Variants in PHKB observed in about 807,000 individuals in gnomAD.
PHKB encodes the protein phosphorylase kinase regulatory subunit beta.
In PHKB, 122 loss-of-function variants were observed where a neutral mutation model predicts 152.1. The observed-to-expected ratio is 0.80, with a 90% confidence interval of 0.69 to 0.93. The LOEUF is 0.93. Ranked by LOEUF, PHKB falls within the 40% of genes least tolerant of loss-of-function variation. The pLI is 0.00. For synonymous variants in PHKB, 436 were observed against 464.9 expected (o/e 0.94, Z 0.80); for missense variants, 1,304 against 1,328.4 (o/e 0.98, Z 0.29).
At chr16:47,580,558 T>TA (rs57329634) in intron 8 of PHKB, among the ~76,000 whole-genome samples, 200 bp downstream of exon 8, 1,350 of 131,836 alleles carry the variant, frequency 0.01, 10 homozygotes, top group East Asian at 0.017. Context: ...TTAATTTCTT[T>TA]AAAAAAAAAA....
At chr16:47,539,851 T>A (rs550671263) in intron 6 of PHKB, among the ~76,000 whole-genome samples, 5 of 152,298 alleles carry the variant, frequency 3.3e-5, no homozygotes, top group Non-Finnish European at 7.3e-5. Flanking sequence ...TCAGGACCAC[T>A]GTGATGATTG....
chr16:47,579,768 G>A (rs1264415117), intron 7 of PHKB, among the ~76,000 whole-genome samples: 1 of 152,034 alleles, frequency 6.6e-6, no homozygotes, highest in East Asian at 1.9e-4. Context: ...TAAGAGATAA[G>A]GTGATCAGTT....
intron 1 of PHKB, among the ~76,000 whole-genome samples, chr16:47,471,601 A>G (rs1320190147): frequency 6.6e-6 from 1 of 152,204 alleles, no homozygotes; most frequent in African/African-American, 2.4e-5. Flanking sequence ...TATTGAGTAT[A>G]TCATCATTCT....
intron 4 of PHKB, among the ~76,000 whole-genome samples, chr16:47,510,098 T>G (rs1414150550): frequency 6.6e-6 from 1 of 152,224 alleles, no homozygotes; most frequent in Non-Finnish European, 1.5e-5. Flanking sequence ...TGGTAGAAGG[T>G]GCAGAAGGTC....
At chr16:47,587,897 T>C (rs961978716) in intron 9 of PHKB, 134 bp downstream of exon 9, 6 of 744,270 alleles carry the variant, frequency 8.1e-6, no homozygotes, top group African/African-American at 5.2e-5. Flanking sequence ...ATGATAGATA[T>C]TGCCCCTTAC....
intron 23 of PHKB, among the ~76,000 whole-genome samples, chr16:47,663,031 C>T (rs1375456000): frequency 6.6e-6 from 1 of 152,092 alleles, no homozygotes; most frequent in East Asian, 1.9e-4. Context: ...CTTTGAAAAT[C>T]ATATGCATCT....
At chr16:47,554,335 T>C (rs1335789589) in intron 7 of PHKB, among the ~76,000 whole-genome samples, 1 of 152,174 alleles carries the variant, frequency 6.6e-6, no homozygotes, top group Non-Finnish European at 1.5e-5. Context: ...AACTACCTAC[T>C]CAAGCCTCAG....
intron 7 of PHKB, among the ~76,000 whole-genome samples, chr16:47,556,813 T>A (rs891366436): frequency 5.3e-5 from 8 of 152,220 alleles, no homozygotes; most frequent in Non-Finnish European, 1.2e-4. Context: ...TCCCTCTTTT[T>A]CTATTGATTG....
intron 4 of PHKB, among the ~76,000 whole-genome samples, chr16:47,506,062 G>GA (rs955575180): frequency 6.7e-6 from 1 of 148,462 alleles, no homozygotes; most frequent in Admixed American, 6.7e-5. Flanking sequence ...AGAAAAAAGA[G>GA]AAAATAATAA....
chr16:47,607,463 TTAACA>T (rs1438115164), intron 13 of PHKB, among the ~76,000 whole-genome samples: 2 of 152,214 alleles, frequency 1.3e-5, no homozygotes, highest in African/African-American at 2.4e-5. Flanking sequence ...CTTCTTTCAC[TTAACA>T]TAATATTTTC....
intron 16 of PHKB, among the ~76,000 whole-genome samples, chr16:47,642,803 C>T (rs758208095): frequency 6.6e-6 from 1 of 152,034 alleles, no homozygotes; most frequent in South Asian, 2.1e-4. Context: ...CCACCACTAC[C>T]CTGCCAAGAG....
chr16:47,665,096 G>T (rs1192582787), intron 25 of PHKB, 121 bp downstream of exon 25: 1 of 716,856 alleles, frequency 1.4e-6, no homozygotes, highest in Non-Finnish European at 2.5e-6. Context: ...CTAGAAGTAG[G>T]AAGTGTTTGT....
At chr16:47,584,935 A>C (rs1971910108) in intron 8 of PHKB, among the ~76,000 whole-genome samples, 1 of 152,192 alleles carries the variant, frequency 6.6e-6, no homozygotes, top group Non-Finnish European at 1.5e-5. Context: ...AGATCAGCAA[A>C]GTCTTATGTT....
In PHKB at chr16:47,699,500, G is replaced by A; in HGVS notation, c.*134G>A. On this transcript the variant is annotated 3_prime_UTR_variant, in exon 31 of 31. Transcript: ENST00000323584. ...GAGGTGAATGCCACATCCTTGGCGG[G>A]GTTATGGACCTCTTGCATGTCATAG... 2.0e-6 allele frequency: 2 copies of A among 976,426 alleles called. No homozygotes were observed. Among genetic ancestry groups the A allele is most frequent in the Non-Finnish European group, 3.3e-6 (2 of 602,172 alleles). The allele number at this position is 976,426 out of a possible 1,614,324, so 60.5% of individuals were successfully genotyped here.
intron 1 of PHKB, among the ~76,000 whole-genome samples, chr16:47,482,925 T>C (rs1463722281): frequency 6.6e-6 from 1 of 152,000 alleles, no homozygotes; most frequent in Non-Finnish European, 1.5e-5. Flanking sequence ...TTTGCCATGT[T>C]GTCCAGGCTG....
At chr16:47,632,348 A>G (rs1972842874) in intron 14 of PHKB, among the ~76,000 whole-genome samples, 1 of 152,232 alleles carries the variant, frequency 6.6e-6, no homozygotes, top group Non-Finnish European at 1.5e-5. Flanking sequence ...TAAAGATGAC[A>G]TTAGTACATA....
At chr16:47,666,825 C>T (rs1973547872) in intron 25 of PHKB, among the ~76,000 whole-genome samples, 1 of 152,194 alleles carries the variant, frequency 6.6e-6, no homozygotes, top group Non-Finnish European at 1.5e-5. Context: ...TTTCTATAAG[C>T]TCTAATTTAC....
At chr16:47,544,075 T>G (rs1402166058) in intron 6 of PHKB, among the ~76,000 whole-genome samples, 2 of 152,128 alleles carry the variant, frequency 1.3e-5, no homozygotes, top group Non-Finnish European at 2.9e-5. Context: ...GATTTTTTGT[T>G]TCTCTATCTC....
At chr16:47,594,845 G>A (rs1972090793) in intron 12 of PHKB, among the ~76,000 whole-genome samples, 1 of 152,174 alleles carries the variant, frequency 6.6e-6, no homozygotes, top group South Asian at 2.1e-4. Context: ...CAAATGAGAT[G>A]TTCTAGATGT....
Sources: gnomAD v4.1 joint callset for allele counts (sites outside exome capture counted in the v4.1 genomes callset) on GRCh38, gnomAD v4.1.1 for gene constraint, MANE v1.5 for transcripts, NCBI Gene and HGNC (gene_info 2026-07-23, HGNC 2026-07-21) for gene names.